ADGRG6: variants seen among roughly 807,000 people sequenced by gnomAD.
The protein encoded by ADGRG6 is G-protein coupled receptor 126.
In ADGRG6, 84 loss-of-function variants were observed where a neutral mutation model predicts 142.4. The ratio of observed to expected loss-of-function variants is 0.59; its 90% CI spans 0.49 to 0.71. The LOEUF (loss-of-function observed/expected upper bound fraction) is 0.71, where lower values mean the gene tolerates loss of function less well. Among genes scored for constraint, ADGRG6 ranks in the 30% least tolerant of loss-of-function variants. ADGRG6 has a pLI of 0.00. For synonymous variants in ADGRG6, 521 were observed against 520.5 expected, an observed-to-expected ratio of 1.00 and a Z score of -0.01; for missense variants, 1,367 against 1,466.6, an observed-to-expected ratio of 0.93 and a Z score of 1.11.
chr6:142,320,872 A>T (rs577986314), intron 2 of ADGRG6, among the ~76,000 whole-genome samples: 1 of 152,082 alleles, frequency 6.6e-6, no homozygotes, highest in Non-Finnish European at 1.5e-5. Context: ...CTGTAAATAT[A>T]TATTAGAGCA....
chr6:142,378,743 TCAAAC>T (rs1781613239), intron 4 of ADGRG6, among the ~76,000 whole-genome samples: 1 of 152,150 alleles, frequency 6.6e-6, no homozygotes, highest in Non-Finnish European at 1.5e-5. Context: ...CCCACACAAC[TCAAAC>T]TATTTTCTAT....
At chr6:142,387,268 A>G (rs1193700276) in intron 6 of ADGRG6, among the ~76,000 whole-genome samples, 1 of 152,236 alleles carries the variant, frequency 6.6e-6, no homozygotes, top group Non-Finnish European at 1.5e-5. Context: ...GCTACTGAAT[A>G]GTAAGCTTTT....
intron 22 of ADGRG6, among the ~76,000 whole-genome samples, chr6:142,436,319 A>G (rs547930137): frequency 1.2e-4 from 19 of 152,236 alleles, no homozygotes; most frequent in Non-Finnish European, 1.9e-4. Flanking sequence ...GCAAATTAGG[A>G]AGAAAACTGG....
chr6:142,367,888 T>C lies in ADGRG6; in HGVS notation c.423T>C (p.Gly141=). 6.2e-7 allele frequency: 1 copy of C among 1,607,090 alleles called. No homozygotes were observed. The highest frequency in any genetic ancestry group is 2.2e-5 in the East Asian group (1 of 44,876). The change falls in exon 3 of 25, where the codon GGT becomes GGC. Residue 141 remains glycine (G), a synonymous_variant. Coordinates refer to ENST00000367609, the MANE Select transcript of ADGRG6 (RefSeq NM_198569.3). ...GTGACTTTAGCATCCAGAAGAAAGG[T>C]TTCAATGCCAGCTACATCAGAGGTA... The part of the protein sequence containing the change: ...FSSDFSIQKK[G]FNASYIRVAV...
intron 2 of ADGRG6, among the ~76,000 whole-genome samples, chr6:142,343,073 G>A (rs1031791847): frequency 3.3e-5 from 5 of 151,658 alleles, no homozygotes; most frequent in African/African-American, 4.8e-5. Context: ...TATAGGGTAT[G>A]TAAATATAAG....
chr6:142,425,784 A>C (rs1203736197), intron 22 of ADGRG6, among the ~76,000 whole-genome samples: 1 of 152,198 alleles, frequency 6.6e-6, no homozygotes, highest in African/African-American at 2.4e-5. Context: ...TTGGACTTAC[A>C]GTTCCACGTG....
chr6:142,302,051 C>CT lies in ADGRG6; in HGVS notation c.-277dup, dbSNP rs1445442360. The CT allele has an allele frequency of 5.7e-6, 3 of 524,826 alleles. No homozygotes were observed. In the African/African-American group the frequency reaches 5.9e-5, roughly 10 times the overall value. 32.5% of individuals were successfully genotyped at this position (524,826 alleles called of 1,614,324 possible). A position where few individuals can be genotyped will look rare whatever the true frequency, so the allele number is the denominator to read the frequency against. On this transcript the variant is annotated 5_prime_UTR_variant, in exon 1 of 25. Transcript: ENST00000367609. ...CCCCACGCACACCCTACTTCCTCAG[C>CT]TTCTCGCCCTCACCCTGCCAACTTC...
At chr6:142,341,375 A>T (rs1779608013) in intron 2 of ADGRG6, among the ~76,000 whole-genome samples, 1 of 126,934 alleles carries the variant, frequency 7.9e-6, no homozygotes, top group African/African-American at 3.0e-5. Flanking sequence ...AATATATATT[A>T]TATATATACT....
chr6:142,344,866 G>T (rs1779818040), intron 2 of ADGRG6, among the ~76,000 whole-genome samples: 2 of 151,946 alleles, frequency 1.3e-5, no homozygotes, highest in African/African-American at 2.4e-5. Context: ...TGATAAAGTA[G>T]ATGACTACAG....
chr6:142,384,536 T>A (rs1165334355), intron 6 of ADGRG6, among the ~76,000 whole-genome samples: 1 of 152,202 alleles, frequency 6.6e-6, no homozygotes, highest in Non-Finnish European at 1.5e-5. Context: ...TGTTCCTAGA[T>A]GAACGACATA....
chr6:142,386,106 T>C (rs1040382314), intron 6 of ADGRG6, among the ~76,000 whole-genome samples: 2 of 152,234 alleles, frequency 1.3e-5, no homozygotes, highest in Admixed American at 6.5e-5. Context: ...ATATTTATCA[T>C]AGTATATCAA....
chr6:142,434,630 T>C (rs1295246007), intron 22 of ADGRG6, among the ~76,000 whole-genome samples: 1 of 152,132 alleles, frequency 6.6e-6, no homozygotes, highest in South Asian at 2.1e-4. Flanking sequence ...CCTGAAGAAC[T>C]TTTTATGGGC....
chr6:142,412,625 A>G (rs1481591824), intron 18 of ADGRG6, among the ~76,000 whole-genome samples: 1 of 152,176 alleles, frequency 6.6e-6, no homozygotes, highest in African/African-American at 2.4e-5. Flanking sequence ...CTAAAATACA[A>G]ATATTTTCCT....
chr6:142,302,678 G>T, intron 1 of ADGRG6: 1 of 311,450 alleles, frequency 3.2e-6, no homozygotes, highest in Non-Finnish European at 5.9e-6. Flanking sequence ...CCGCTCCTCA[G>T]TCCAGAGGCC....
intron 22 of ADGRG6, among the ~76,000 whole-genome samples, chr6:142,429,611 G>A (rs1224268138): frequency 6.6e-6 from 1 of 152,178 alleles, no homozygotes; most frequent in East Asian, 1.9e-4. Context: ...GAAAACAGGA[G>A]CTGTTTAAAG....
chr6:142,340,410 T>G (rs900220809), intron 2 of ADGRG6, among the ~76,000 whole-genome samples: 19 of 152,222 alleles, frequency 1.2e-4, no homozygotes, highest in African/African-American at 3.9e-4. Flanking sequence ...CAATTCCCAG[T>G]CTGTGAATTT....
At chr6:142,351,697 CA>C (rs1290205790) in intron 2 of ADGRG6, among the ~76,000 whole-genome samples, 2 of 152,120 alleles carry the variant, frequency 1.3e-5, no homozygotes, top group African/African-American at 4.8e-5. Context: ...CAAAAATTCA[CA>C]AATGGGACCT....
chr6:142,374,800 G>C (rs1331592156), intron 4 of ADGRG6, among the ~76,000 whole-genome samples: 1 of 152,090 alleles, frequency 6.6e-6, no homozygotes, highest in East Asian at 1.9e-4. Context: ...TGATTGATAA[G>C]AACTATATGT....
At position 142,316,838 on chromosome 6, in the gene ADGRG6, A is replaced by C. The variant is rs74446746; in HGVS notation, c.103+7194A>C. Among the ~76,000 whole-genome samples, 615 of 152,134 alleles carry C rather than the reference A, an allele frequency of 4.0e-3. 6 individuals carry two copies. The highest frequency in any genetic ancestry group is 0.014 in the African/African-American group (593 of 41,506). On this transcript the variant is annotated intron_variant, in intron 2 of 24. Transcript: ENST00000367609. ...TTTAGAGAAAATGAGCTCCAAGTAT[A>C]CACTGAGGTTGTGGAAATGTAGTCT...
Sources: gnomAD v4.1 joint callset for allele counts (sites outside exome capture counted in the v4.1 genomes callset) on GRCh38, gnomAD v4.1.1 for gene constraint, MANE v1.5 for transcripts, NCBI Gene and HGNC (gene_info 2026-07-23, HGNC 2026-07-21) for gene names.